Variants in RYK observed in about 807,000 individuals in gnomAD.
The protein encoded by RYK is receptor like tyrosine kinase, also known as inactive tyrosine-protein kinase RYK.
A neutral mutation model predicts 70.2 loss-of-function variants in RYK; 21 were observed. The ratio of observed to expected loss-of-function variants is 0.30; its 90% CI spans 0.21 to 0.43. RYK has a LOEUF of 0.43. Among genes scored for constraint, RYK ranks in the 20% least tolerant of loss-of-function variants. The probability of loss-of-function intolerance (pLI) is 1.00; values close to 1 mark genes in which losing one functional copy is unlikely to be tolerated. For missense variants in RYK, 604 were observed against 753.3 expected (o/e 0.80, Z 2.32); for synonymous variants, 267 against 278.0 (o/e 0.96, Z 0.39).
Position 134,195,065 on chromosome 3 carries a change from A to G in RYK, c.889+17T>C. The G allele has an allele frequency of 6.4e-7, 1 of 1,571,366 alleles. No individual in the cohort carries two copies. The highest frequency in any genetic ancestry group is 8.8e-7 in the Non-Finnish European group (1 of 1,141,512). On this transcript the variant is annotated intron_variant, in intron 7 of 14. Transcript: ENST00000623711. Reference sequence around the variant, plus strand: ...ACAACTTGAGTAAACTGGCTTTAGAATTAAATTAACTCTTACTGGTGATAG... The same window carrying G: ...ACAACTTGAGTAAACTGGCTTTAGAGTTAAATTAACTCTTACTGGTGATAG...
intron 2 of RYK, among the ~76,000 whole-genome samples, chr3:134,218,290 G>C (rs1315413376): frequency 6.6e-6 from 1 of 152,200 alleles, no homozygotes; most frequent in African/African-American, 2.4e-5. Context: ...GCTGGGCCCT[G>C]TGGCTTCTAC....
chr3:134,203,872 G>T (rs2014111844), intron 5 of RYK, among the ~76,000 whole-genome samples: 1 of 152,214 alleles, frequency 6.6e-6, no homozygotes, highest in Admixed American at 6.5e-5. Flanking sequence ...CTACTGAAAT[G>T]TAGTTAGTAA....
intron 1 of RYK, among the ~76,000 whole-genome samples, chr3:134,224,508 A>G (rs1259528100): frequency 6.6e-6 from 1 of 152,182 alleles, no homozygotes; most frequent in Non-Finnish European, 1.5e-5. Flanking sequence ...CATCGCAGGG[A>G]GACGTTTAGG....
intron 6 of RYK, among the ~76,000 whole-genome samples, chr3:134,196,176 T>G (rs796656870): frequency 3.3e-5 from 5 of 152,222 alleles, no homozygotes; most frequent in African/African-American, 1.2e-4. Flanking sequence ...AAGCATGTAG[T>G]TTTGTCTTTT....
rs567460348 is a variant in RYK, at chr3:134,169,431, C to A, written c.1575+6178G>T. 6.1e-4 allele frequency among the ~76,000 whole-genome samples: 93 copies of A among 152,164 alleles called. 1 individual carries two copies. The South Asian group carries it at 0.018, about 30-fold the overall frequency. On this transcript the variant is annotated intron_variant, in intron 13 of 14. Coordinates refer to ENST00000623711, the MANE Select transcript of RYK (RefSeq NM_002958.4). ...CACATAAAAAAATTTATGGTGGTAT[C>A]CACATCTGATGAAAACACAATAAAA...
intron 11 of RYK, 72 bp from the exon 12 acceptor site, chr3:134,176,111 T>A (rs2013091788): frequency 1.1e-6 from 1 of 899,426 alleles, no homozygotes; most frequent in African/African-American, 1.7e-5. Flanking sequence ...CTTTTTTTAT[T>A]CCACAATCCT....
chr3:134,226,102 T>C (rs867277715), intron 1 of RYK, among the ~76,000 whole-genome samples: 8 of 151,730 alleles, frequency 5.3e-5, no homozygotes, highest in Admixed American at 5.2e-4. Context: ...GCCAAAAGAG[T>C]ATTATTTGAA....
At chr3:134,224,779 TGTC>T (rs2014852073) in intron 1 of RYK, among the ~76,000 whole-genome samples, 1 of 152,234 alleles carries the variant, frequency 6.6e-6, no homozygotes, top group Non-Finnish European at 1.5e-5. Flanking sequence ...CTCACACTCT[TGTC>T]TTCTGGTCAC....
At chr3:134,248,569 A>G (rs1451588553) in intron 1 of RYK, among the ~76,000 whole-genome samples, 2 of 152,182 alleles carry the variant, frequency 1.3e-5, no homozygotes, top group African/African-American at 4.8e-5. Flanking sequence ...CTGTAATCCC[A>G]GCACTTTGGG....
chr3:134,235,743 G>A (rs1010976958), intron 1 of RYK, among the ~76,000 whole-genome samples: 5 of 152,196 alleles, frequency 3.3e-5, no homozygotes, highest in Non-Finnish European at 5.9e-5. Context: ...ATTACTGTCA[G>A]GGAGTGTTAA....
intron 5 of RYK, among the ~76,000 whole-genome samples, chr3:134,204,493 C>T (rs376627846): frequency 1.9e-4 from 29 of 150,860 alleles, no homozygotes; most frequent in African/African-American, 6.8e-4. Context: ...AGCAAGACTC[C>T]GTCTCAAAAA....
intron 5 of RYK, among the ~76,000 whole-genome samples, chr3:134,205,473 A>G (rs1272097732): frequency 6.6e-6 from 1 of 152,206 alleles, no homozygotes; most frequent in African/African-American, 2.4e-5. Flanking sequence ...GCCACAGGAA[A>G]GCTATTCAAT....
chr3:134,186,363 ACT>A lies in RYK; in HGVS notation c.1102+2472_1102+2473del, dbSNP rs1246666752. ...GGCAAAGGTCAGTGCTTTCTAAAAC[ACT>A]GTTTTTTTATTTTATGCTAAACTTC... is the stretch of plus-strand genomic sequence containing the variant. On this transcript the variant is annotated intron_variant, in intron 9 of 14. Coordinates refer to ENST00000623711, the MANE Select transcript of RYK (RefSeq NM_002958.4). 9.8e-5 allele frequency among the ~76,000 whole-genome samples: 15 copies of A among 152,374 alleles called. No individual in the cohort carries two copies. In the East Asian group the frequency reaches 2.9e-3, roughly 29 times the overall value.
chr3:134,211,574 C>A lies in RYK; in HGVS notation c.388G>T (p.Val130Phe). ...ACCTGGGGCATATCCATTGCCAAAA[C>A]ATTGTCCACTTGGAATCCCAGCTTA... ...EYKLGFQVDNVLAMDMPQVNI... is the reference protein window; with the variant it reads ...EYKLGFQVDNFLAMDMPQVNI... The change falls in exon 3 of 15, where the codon GTT (valine) becomes TTT (phenylalanine). Residue 130 changes from valine (V) to phenylalanine (F), a missense_variant. Transcript: ENST00000623711. 1 of 1,613,710 alleles carries A rather than the reference C, an allele frequency of 6.2e-7. No homozygotes were observed. Among genetic ancestry groups the A allele is most frequent in the Non-Finnish European group, 8.5e-7 (1 of 1,179,712 alleles).
chr3:134,204,591 C>CCACAGCCCCACACACACA (rs58130864), intron 5 of RYK, among the ~76,000 whole-genome samples: 1 of 140,694 alleles, frequency 7.1e-6, no homozygotes, highest in Non-Finnish European at 1.5e-5. Context: ...ACAGCCACAG[C>CCACAGCCCCACACACACA]CACACACACA....
chr3:134,175,500 G>A (rs1290686013), intron 13 of RYK, 109 bp downstream of exon 13: 13 of 1,326,668 alleles, frequency 9.8e-6, no homozygotes, highest in Non-Finnish European at 1.3e-5. Flanking sequence ...AAAATTTCCG[G>A]GAACAGCTAG....
At chr3:134,234,164 C>A (rs1215077202) in intron 1 of RYK, among the ~76,000 whole-genome samples, 1 of 151,968 alleles carries the variant, frequency 6.6e-6, no homozygotes, top group African/African-American at 2.4e-5. Context: ...AATATGCATA[C>A]AGCTGCGACA....
chr3:134,193,226 T>C lies in RYK; in HGVS notation c.890-1252A>G, dbSNP rs183984305. Among the ~76,000 whole-genome samples the C allele has an allele frequency of 1.6e-3, 239 of 151,934 alleles. 6 individuals are homozygous for C. In the South Asian group the frequency reaches 0.032, roughly 20 times the overall value. Reference sequence around the variant, plus strand: ...TGAGACGGAGTCTCACTCTGTTGCCTAGGCTGGAGTGCAGTGGCGTGATCT... The same window carrying C: ...TGAGACGGAGTCTCACTCTGTTGCCCAGGCTGGAGTGCAGTGGCGTGATCT... On this transcript the variant is annotated intron_variant, in intron 7 of 14. Transcript: ENST00000623711.
chr3:134,200,912 C>T (rs777069686), intron 6 of RYK, among the ~76,000 whole-genome samples: 1 of 152,248 alleles, frequency 6.6e-6, no homozygotes, highest in Non-Finnish European at 1.5e-5. Flanking sequence ...AACACCAATT[C>T]ATGGATGGTA....
Sources: allele counts gnomAD v4.1 joint callset (sites outside exome capture counted in the v4.1 genomes callset), GRCh38; gene constraint gnomAD v4.1.1; transcripts MANE v1.5; gene names NCBI Gene and HGNC (gene_info 2026-07-23, HGNC 2026-07-21).